The following GLI2 variants were observed in gnomAD, a reference collection of about 807,000 sequenced individuals.
GLI2 encodes the protein GLI family zinc finger 2.
A neutral mutation model predicts 78.9 loss-of-function variants in GLI2; 22 were observed. That is an observed-to-expected ratio of 0.28 (90% CI 0.20 to 0.40). The LOEUF (loss-of-function observed/expected upper bound fraction) is 0.40, where lower values mean the gene tolerates loss of function less well. GLI2 is among the 10% of genes least tolerant of loss of function. GLI2 has a pLI of 1.00. For missense variants in GLI2, 2,097 were observed against 2,213.2 expected, an observed-to-expected ratio of 0.95 and a Z score of 1.05; for synonymous variants, 974 against 963.7, an observed-to-expected ratio of 1.01 and a Z score of -0.20.
chr2:120,923,567 C>T (rs1416916647), intron 2 of GLI2, among the ~76,000 whole-genome samples: 8 of 152,012 alleles, frequency 5.3e-5, no homozygotes, highest in Non-Finnish European at 1.0e-4. Flanking sequence ...CACACACATA[C>T]ACAGCAACAC....
Position 120,955,350 on chromosome 2 carries a change from C to A in GLI2, c.563C>A (p.Ala188Glu). 1 of 1,613,064 alleles carries A rather than the reference C, an allele frequency of 6.2e-7. No homozygotes were observed. Among genetic ancestry groups the A allele is most frequent in the Non-Finnish European group, 8.5e-7 (1 of 1,179,258 alleles). Residue 188 changes from alanine to glutamate, a missense_variant, in exon 5 of 14, where the codon GCG (alanine) becomes GAG (glutamate). Ala to Glu is a moderately radical substitution (Grantham distance 107). Coordinates refer to ENST00000361492, the MANE Select transcript of GLI2 (RefSeq NM_001374353.1). ...ATGACCCTCGTGGCAGGCCACCCCGCGCCCTACGGGGACCTGCTGATGCAG... is the reference window on the plus strand; with the variant it reads ...ATGACCCTCGTGGCAGGCCACCCCGAGCCCTACGGGGACCTGCTGATGCAG... The part of the protein sequence containing the change: ...HQMTLVAGHP[A>E]PYGDLLMQSG...
At chr2:120,835,705 TA>T (rs1573454060) in intron 2 of GLI2, among the ~76,000 whole-genome samples, 1 of 152,274 alleles carries the variant, frequency 6.6e-6, no homozygotes, top group East Asian at 1.9e-4. Context: ...GTTTTGACCT[TA>T]CATGTAACTT....
At chr2:120,871,035 A>C (rs1024411395) in intron 2 of GLI2, among the ~76,000 whole-genome samples, 1 of 152,258 alleles carries the variant, frequency 6.6e-6, no homozygotes, top group African/African-American at 2.4e-5. Context: ...GACTTGAATA[A>C]GGAGATTGGG....
At chr2:120,844,074 A>G (rs1687003842) in intron 2 of GLI2, among the ~76,000 whole-genome samples, 1 of 152,146 alleles carries the variant, frequency 6.6e-6, no homozygotes, top group African/African-American at 2.4e-5. Context: ...ATCTGATGTC[A>G]CCAAAGAACC....
At chr2:120,764,446 G>A (rs1413364677) in intron 1 of GLI2, among the ~76,000 whole-genome samples, 1 of 147,488 alleles carries the variant, frequency 6.8e-6, no homozygotes, top group Non-Finnish European at 1.5e-5. Flanking sequence ...AAAAAAAAGA[G>A]AACGGATTAC....
chr2:120,990,794 G>A lies in GLI2; in HGVS notation c.*119G>A, dbSNP rs778424802. ...TTAAATAGGCTTGAGGGGTTGTTGC[G>A]CAATGGCCGCTTCAGATGACAGATG... On this transcript the variant is annotated 3_prime_UTR_variant, in exon 14 of 14. Transcript: ENST00000361492. 12 of 737,996 alleles carry A rather than the reference G, an allele frequency of 1.6e-5. No individual in the cohort carries two copies. The highest frequency in any genetic ancestry group is 3.6e-5 in the South Asian group (2 of 55,622). The allele number at this position is 737,996 out of a possible 1,614,324, so 45.7% of individuals were successfully genotyped here.
chr2:120,974,825 G>C, intron 8 of GLI2, 150 bp from the exon 9 acceptor site: 1 of 1,018,842 alleles, frequency 9.8e-7, no homozygotes, highest in South Asian at 1.3e-5. Context: ...TGTTGTGTGT[G>C]TGCACACACA....
At chr2:120,887,562 G>A (rs981765311) in intron 2 of GLI2, among the ~76,000 whole-genome samples, 1 of 152,264 alleles carries the variant, frequency 6.6e-6, no homozygotes, top group East Asian at 1.9e-4. Context: ...CCATTCAAAA[G>A]AGGCGGTGCA....
chr2:120,800,995 C>T lies in GLI2; in HGVS notation c.148+3527C>T, dbSNP rs554588217. ...AGATGTGGGGGCACCCTGCATTCCC[C>T]GGCAGCTCATGGCCCCTCATGCAGC... On this transcript the variant is annotated intron_variant, in intron 2 of 13. Transcript: ENST00000361492. The surrounding 1 kb of genome is among the most constrained non-coding windows in gnomAD (Gnocchi z 4.1). Among the ~76,000 whole-genome samples, 12 of 152,306 alleles carry T rather than the reference C, an allele frequency of 7.9e-5. No homozygotes were observed. Among genetic ancestry groups the T allele is most frequent in the African/African-American group, 1.9e-4 (8 of 41,574 alleles).
chr2:120,828,161 C>T (rs76141532), intron 2 of GLI2, among the ~76,000 whole-genome samples: 5,471 of 152,338 alleles, frequency 0.036, 132 homozygotes, highest in Non-Finnish European at 0.054. Flanking sequence ...GTTCCTCCAC[C>T]ATCGATGACC....
chr2:120,954,868 A>G (rs1252619227), intron 4 of GLI2, among the ~76,000 whole-genome samples: 2 of 152,208 alleles, frequency 1.3e-5, no homozygotes, highest in East Asian at 3.9e-4. Flanking sequence ...GTGCCGCTGA[A>G]GTGCCTCTGT....
chr2:120,757,607 A>G (rs75436274), intron 1 of GLI2, among the ~76,000 whole-genome samples: 3,441 of 152,294 alleles, frequency 0.023, 117 homozygotes, highest in African/African-American at 0.077. Context: ...CTATTCTGCA[A>G]TGCTCCAGGG....
chr2:120,845,146 G>C (rs147248204), intron 2 of GLI2, among the ~76,000 whole-genome samples: 1 of 152,030 alleles, frequency 6.6e-6, no homozygotes, highest in Non-Finnish European at 1.5e-5. Flanking sequence ...GGTGGTGCAC[G>C]CCTGTAATCC....
chr2:120,883,936 AGAT>A (rs1677275900), intron 2 of GLI2, among the ~76,000 whole-genome samples: 2 of 152,218 alleles, frequency 1.3e-5, no homozygotes, highest in South Asian at 4.1e-4. Flanking sequence ...CCCCCGCAGC[AGAT>A]GAGTGTGTGG....
chr2:120,799,508 G>T (rs1448788620), intron 2 of GLI2, among the ~76,000 whole-genome samples: 2 of 152,212 alleles, frequency 1.3e-5, no homozygotes, highest in Non-Finnish European at 2.9e-5. Flanking sequence ...TTTGGGAAGG[G>T]TCCTCCTGGA....
intron 1 of GLI2, among the ~76,000 whole-genome samples, chr2:120,767,465 C>T (rs1297601503): frequency 1.3e-5 from 2 of 152,202 alleles, no homozygotes; most frequent in Non-Finnish European, 2.9e-5. Flanking sequence ...GTGAGAGGGT[C>T]AAACAATTAT....
At chr2:120,786,046 G>C (rs899026412) in intron 1 of GLI2, among the ~76,000 whole-genome samples, 1 of 152,180 alleles carries the variant, frequency 6.6e-6, no homozygotes, top group Non-Finnish European at 1.5e-5. Flanking sequence ...AGAAACACGT[G>C]GTCTGGGCTT....
chr2:120,943,509 G>A (rs1680563356), intron 3 of GLI2, among the ~76,000 whole-genome samples: 1 of 152,202 alleles, frequency 6.6e-6, no homozygotes, highest in Non-Finnish European at 1.5e-5. Flanking sequence ...ATCCCCAAGT[G>A]ACTGGGCCTC....
At chr2:120,887,838 T>C (rs977976831) in intron 2 of GLI2, among the ~76,000 whole-genome samples, 1 of 152,170 alleles carries the variant, frequency 6.6e-6, no homozygotes, top group Non-Finnish European at 1.5e-5. Context: ...CCCAGGTCCT[T>C]GAGAGGGCCC....
Sources: gnomAD v4.1 joint callset for allele counts (sites outside exome capture counted in the v4.1 genomes callset) on GRCh38, gnomAD v4.1.1 for gene constraint, Gnocchi (gnomAD v3.1) non-coding constraint, MANE v1.5 for transcripts, NCBI Gene and HGNC (gene_info 2026-07-23, HGNC 2026-07-21) for gene names.